The following CORIN variants were observed in gnomAD, a reference collection of about 807,000 sequenced individuals.
The protein encoded by CORIN is atrial natriuretic peptide-converting enzyme.
CORIN carries 117 observed loss-of-function variants against 125.3 expected under a neutral mutation model. That is an observed-to-expected ratio of 0.93 (90% confidence interval 0.80 to 1.09). The LOEUF (loss-of-function observed/expected upper bound fraction) is 1.09. CORIN is among the 50% of genes least tolerant of loss of function. The pLI, the probability that CORIN is intolerant of heterozygous loss-of-function variation, is 0.00. For missense variants in CORIN, 1,253 were observed against 1,306.7 expected (o/e 0.96, Z 0.63); for synonymous variants, 450 against 466.4 (o/e 0.96, Z 0.45).
At chr4:47,701,630 TACAGTC>T (rs1336485208) in intron 5 of CORIN, among the ~76,000 whole-genome samples, 49 of 152,160 alleles carry the variant, frequency 3.2e-4, no homozygotes, top group African/African-American at 1.2e-3. Context: ...ACATTTCAAG[TACAGTC>T]ACAGTAAAAA....
At chr4:47,673,179 AAAATAAAT>A (rs66990449) in intron 10 of CORIN, among the ~76,000 whole-genome samples, 6,626 of 142,726 alleles carry the variant, frequency 0.046, 438 homozygotes, top group African/African-American at 0.13. Context: ...TCTTTACCAA[AAAATAAAT>A]AAATAAATAA....
chr4:47,796,066 A>G (rs1024002435), intron 2 of CORIN, among the ~76,000 whole-genome samples: 3 of 152,090 alleles, frequency 2.0e-5, no homozygotes, highest in Middle Eastern at 3.2e-3. Context: ...AGGTCCTTCA[A>G]AAAAATTAAA....
intron 4 of CORIN, among the ~76,000 whole-genome samples, chr4:47,753,037 G>C (rs1441820911): frequency 1.3e-5 from 2 of 152,126 alleles, no homozygotes; most frequent in African/African-American, 4.8e-5. Flanking sequence ...TTTCAATGTA[G>C]GTTCTTTCTA....
intron 21 of CORIN, among the ~76,000 whole-genome samples, chr4:47,596,639 C>T (rs1490314404): frequency 3.3e-5 from 5 of 152,034 alleles, no homozygotes; most frequent in African/African-American, 1.2e-4. Context: ...CATCTGAAAA[C>T]AAAGGTGTAT....
intron 21 of CORIN, among the ~76,000 whole-genome samples, chr4:47,597,602 T>A (rs1461271258): frequency 6.6e-6 from 1 of 152,192 alleles, no homozygotes; most frequent in East Asian, 1.9e-4. Context: ...TCACAAATTA[T>A]TTTCACAAAT....
intron 12 of CORIN, among the ~76,000 whole-genome samples, chr4:47,654,320 A>T (rs1723864744): frequency 6.7e-6 from 1 of 150,092 alleles, no homozygotes; most frequent in Non-Finnish European, 1.5e-5. Context: ...AGGAACACCA[A>T]CCTGAACAGC....
chr4:47,712,171 C>T (rs1726873929), intron 5 of CORIN, among the ~76,000 whole-genome samples: 2 of 152,120 alleles, frequency 1.3e-5, no homozygotes, highest in Admixed American at 1.3e-4. Flanking sequence ...TTTATTATTA[C>T]TGACATTATT....
In CORIN at chr4:47,655,580, C is replaced by T. The variant is rs1257650386; in HGVS notation, c.1736-1920G>A. On this transcript the variant is annotated intron_variant, in intron 12 of 21. Transcript: ENST00000273857. ...GGTGGTAGTGATCATGAGGAAAAAC[C>T]ACTAGCACTCTTCCATTACCTCTCT... 2.6e-5 allele frequency among the ~76,000 whole-genome samples: 4 copies of T among 152,178 alleles called. No homozygotes were observed. The East Asian group carries it at 5.8e-4, about 22-fold the overall frequency.
At position 47,594,050 on chromosome 4, in the gene CORIN, A is replaced by G. The variant is rs1721162489; in HGVS notation, c.*1671T>C. 6.6e-6 allele frequency: 1 copy of G among 151,888 alleles called. No individual in the cohort carries two copies. The highest frequency in any genetic ancestry group is 2.4e-5 in the African/African-American group (1 of 41,392). The allele number at this position is 151,888 out of a possible 1,614,324, so 9.4% of individuals were successfully genotyped here. A position where few individuals can be genotyped will look rare whatever the true frequency, so the allele number is the denominator to read the frequency against. ...ATTAAGAATTATTTAAAATAAGTATAATATATATATTTCACTGAGCCTAAG... is the reference window on the plus strand; with the variant it reads ...ATTAAGAATTATTTAAAATAAGTATGATATATATATTTCACTGAGCCTAAG... On this transcript the variant is annotated 3_prime_UTR_variant, in exon 22 of 22. Coordinates refer to ENST00000273857, the MANE Select transcript of CORIN (RefSeq NM_006587.4).
intron 5 of CORIN, among the ~76,000 whole-genome samples, chr4:47,715,191 A>C (rs1727029732): frequency 6.6e-6 from 1 of 152,250 alleles, no homozygotes; most frequent in African/African-American, 2.4e-5. Context: ...TAAAGAAATA[A>C]GTAAATACTG....
intron 4 of CORIN, among the ~76,000 whole-genome samples, chr4:47,752,758 C>A (rs1577891435): frequency 6.6e-6 from 1 of 151,702 alleles, no homozygotes; most frequent in Non-Finnish European, 1.5e-5. Flanking sequence ...CACAGCCACT[C>A]TGAAAGAGAA....
At chr4:47,747,171 T>C (rs927092109) in intron 4 of CORIN, among the ~76,000 whole-genome samples, 5 of 151,910 alleles carry the variant, frequency 3.3e-5, no homozygotes, top group African/African-American at 9.7e-5. Flanking sequence ...AACATATTAT[T>C]CCCTTCCTAC....
intron 3 of CORIN, among the ~76,000 whole-genome samples, chr4:47,766,169 G>C (rs1729726806): frequency 6.6e-6 from 1 of 152,116 alleles, no homozygotes; most frequent in South Asian, 2.1e-4. Context: ...TTTTAAGGTT[G>C]TATTAGTTAG....
At chr4:47,665,758 A>G (rs1279157698) in intron 10 of CORIN, among the ~76,000 whole-genome samples, 1 of 152,212 alleles carries the variant, frequency 6.6e-6, no homozygotes, top group African/African-American at 2.4e-5. Flanking sequence ...TTTCAGGGCA[A>G]GAGGAGGCTC....
At chr4:47,837,101 G>A (rs1733472930) in intron 1 of CORIN, among the ~76,000 whole-genome samples, 1 of 152,228 alleles carries the variant, frequency 6.6e-6, no homozygotes, top group Non-Finnish European at 1.5e-5. Flanking sequence ...CCCCTTCCCA[G>A]GACTGGATCT....
intron 2 of CORIN, among the ~76,000 whole-genome samples, chr4:47,802,326 G>C (rs1731580517): frequency 1.3e-5 from 2 of 152,206 alleles, no homozygotes; most frequent in South Asian, 4.1e-4. Flanking sequence ...CTGAGTCTAG[G>C]CCTAGGCTCT....
At chr4:47,615,732 C>A (rs1292934921) in intron 19 of CORIN, among the ~76,000 whole-genome samples, 2 of 152,132 alleles carry the variant, frequency 1.3e-5, no homozygotes, top group East Asian at 1.9e-4. Flanking sequence ...AGAAACCCTG[C>A]CAGTACCTTG....
intron 5 of CORIN, among the ~76,000 whole-genome samples, chr4:47,725,803 G>T (rs949001090): frequency 1.3e-5 from 2 of 151,980 alleles, no homozygotes. Flanking sequence ...AGAATGAAAA[G>T]ACAAGGTACA....
intron 12 of CORIN, among the ~76,000 whole-genome samples, chr4:47,658,907 T>A (rs1022022775): frequency 3.9e-5 from 6 of 152,250 alleles, no homozygotes; most frequent in African/African-American, 1.2e-4. Context: ...AACTTCAAGT[T>A]ATTTCTTTGC....
Sources: allele counts gnomAD v4.1 joint callset (sites outside exome capture counted in the v4.1 genomes callset), GRCh38; gene constraint gnomAD v4.1.1; transcripts MANE v1.5; gene names NCBI Gene and HGNC (gene_info 2026-07-23, HGNC 2026-07-21).